Variants in ARHGAP24 observed in about 807,000 individuals in gnomAD.
ARHGAP24 encodes the protein rho GTPase-activating protein 24.
A neutral mutation model predicts 76.4 loss-of-function variants in ARHGAP24; 50 were observed. That is an observed-to-expected ratio of 0.65 (90% confidence interval 0.52 to 0.83). ARHGAP24 has a LOEUF of 0.83. Among genes scored for constraint, ARHGAP24 ranks in the 40% least tolerant of loss-of-function variants. ARHGAP24 has a pLI of 0.00. For missense variants in ARHGAP24, 930 were observed against 914.2 expected (o/e 1.02, Z -0.22); for synonymous variants, 345 against 323.3 (o/e 1.07, Z -0.72).
At position 85,975,073 on chromosome 4, in the gene ARHGAP24, G is replaced by A. The variant is rs915086536; in HGVS notation, c.806+112G>A. 2.7e-5 allele frequency: 25 copies of A among 935,286 alleles called. 1 individual carries two copies. In the African/African-American group the frequency reaches 3.2e-4, roughly 12 times the overall value. The allele number at this position is 935,286 out of a possible 1,614,324, so 57.9% of individuals were successfully genotyped here. A position where few individuals can be genotyped will look rare whatever the true frequency, so the allele number is the denominator to read the frequency against. On this transcript the variant is annotated intron_variant, in intron 7 of 9. Coordinates refer to ENST00000395184, the MANE Select transcript of ARHGAP24 (RefSeq NM_001025616.3). Reference sequence around the variant, plus strand: ...TCAACTACTTCGAGCCCTAGTGTTGGCCTCTGTAAAATTAAAAGATTGGAC... The same window carrying A: ...TCAACTACTTCGAGCCCTAGTGTTGACCTCTGTAAAATTAAAAGATTGGAC...
At chr4:85,760,539 T>C (rs1380265508) in intron 3 of ARHGAP24, among the ~76,000 whole-genome samples, 2 of 152,220 alleles carry the variant, frequency 1.3e-5, no homozygotes, top group Admixed American at 6.5e-5. Context: ...TGACATTTTA[T>C]TTCTGCTATT....
chr4:85,693,781 G>A (rs1040607048), intron 2 of ARHGAP24, among the ~76,000 whole-genome samples: 6 of 152,210 alleles, frequency 3.9e-5, no homozygotes, highest in Non-Finnish European at 8.8e-5. Context: ...ATCTAGCTGG[G>A]GCTAGAGATT....
At chr4:85,566,450 G>A (rs115871293) in intron 1 of ARHGAP24, among the ~76,000 whole-genome samples, 1 of 152,240 alleles carries the variant, frequency 6.6e-6, no homozygotes, top group African/African-American at 2.4e-5. Flanking sequence ...TTGACATTGT[G>A]TTTAAGAACA....
chr4:85,756,406 A>C (rs1726495780), intron 3 of ARHGAP24, among the ~76,000 whole-genome samples: 1 of 152,194 alleles, frequency 6.6e-6, no homozygotes, highest in South Asian at 2.1e-4. Context: ...CCTGATCTCA[A>C]AACTTTTTGA....
At position 85,886,214 on chromosome 4, in the gene ARHGAP24, A is replaced by G. The variant is rs116604600; in HGVS notation, c.269-37434A>G. Among the ~76,000 whole-genome samples, 1,453 of 152,298 alleles carry G rather than the reference A, an allele frequency of 9.5e-3. 18 individuals are homozygous for G. Among genetic ancestry groups the G allele is most frequent in the African/African-American group, 0.033 (1,363 of 41,562 alleles). ...TGATTGTCAATGACCATTATCTGACAACATAATTTATTTACTGTAATATGA... is the reference window on the plus strand; with the variant it reads ...TGATTGTCAATGACCATTATCTGACGACATAATTTATTTACTGTAATATGA... On this transcript the variant is annotated intron_variant, in intron 3 of 9. Transcript: ENST00000395184.
At chr4:85,600,010 TA>T (rs1383015836) in intron 2 of ARHGAP24, among the ~76,000 whole-genome samples, 10 of 152,230 alleles carry the variant, frequency 6.6e-5, no homozygotes, top group Admixed American at 6.5e-4. Context: ...TAACTAAAAA[TA>T]AATAGTATAG....
intron 2 of ARHGAP24, among the ~76,000 whole-genome samples, chr4:85,663,945 A>G (rs891332708): frequency 3.9e-5 from 6 of 151,918 alleles, no homozygotes; most frequent in Admixed American, 3.3e-4. Context: ...GGATTTTTGT[A>G]TCAATGTTCA....
Position 85,599,709 on chromosome 4 carries a change from A to G in ARHGAP24, c.180+28988A>G, listed in dbSNP as rs539202999. Among the ~76,000 whole-genome samples, 5 of 152,284 alleles carry G rather than the reference A, an allele frequency of 3.3e-5. 1 individual carries two copies. The highest frequency in any genetic ancestry group is 1.9e-4 in the East Asian group (1 of 5,196). ...ATTATATGTAACACATATTCTAAAT[A>G]TAAAATTTAAGTATAAGTGAAAGTG... On this transcript the variant is annotated intron_variant, in intron 2 of 9. Transcript: ENST00000395184.
At chr4:85,584,975 A>G (rs981107645) in intron 2 of ARHGAP24, among the ~76,000 whole-genome samples, 2 of 152,178 alleles carry the variant, frequency 1.3e-5, no homozygotes, top group African/African-American at 4.8e-5. Context: ...TTGTTTACTA[A>G]GAATACTCAA....
intron 2 of ARHGAP24, among the ~76,000 whole-genome samples, chr4:85,639,555 C>G (rs1028630966): frequency 6.6e-6 from 1 of 152,058 alleles, no homozygotes; most frequent in African/African-American, 2.4e-5. Context: ...AAAATAATTG[C>G]TGAATGTCCT....
chr4:85,511,282 G>T (rs1347200938), intron 1 of ARHGAP24, among the ~76,000 whole-genome samples: 1 of 152,032 alleles, frequency 6.6e-6, no homozygotes, highest in Non-Finnish European at 1.5e-5. Flanking sequence ...TCTCTTCTAT[G>T]TGTAATTAAA....
intron 3 of ARHGAP24, among the ~76,000 whole-genome samples, chr4:85,856,511 C>A (rs1731580091): frequency 8.1e-6 from 1 of 123,316 alleles, no homozygotes; most frequent in Non-Finnish European, 1.7e-5. Context: ...CTTTCTATTG[C>A]CCAGACTGGA....
chr4:85,778,156 T>G (rs1453431203), intron 3 of ARHGAP24, among the ~76,000 whole-genome samples: 1 of 152,158 alleles, frequency 6.6e-6, no homozygotes, highest in African/African-American at 2.4e-5. Context: ...AATGTTAGCA[T>G]CCCTTGAAAC....
intron 3 of ARHGAP24, among the ~76,000 whole-genome samples, chr4:85,787,990 C>T (rs556236507): frequency 6.6e-6 from 1 of 152,252 alleles, no homozygotes; most frequent in East Asian, 1.9e-4. Context: ...TCCAAAACAG[C>T]CTCCCAGGTT....
chr4:85,848,860 T>G (rs1560669643), intron 3 of ARHGAP24, among the ~76,000 whole-genome samples: 1 of 152,210 alleles, frequency 6.6e-6, no homozygotes, highest in Non-Finnish European at 1.5e-5. Flanking sequence ...CCTTGTAGTA[T>G]AGTTTGAAGT....
At chr4:85,889,929 T>G (rs1733792333) in intron 3 of ARHGAP24, among the ~76,000 whole-genome samples, 1 of 152,180 alleles carries the variant, frequency 6.6e-6, no homozygotes, top group Admixed American at 6.6e-5. Flanking sequence ...CTCTTTCTTT[T>G]TTTAATTGCC....
chr4:85,518,407 A>G (rs1306432712), intron 1 of ARHGAP24, among the ~76,000 whole-genome samples: 1 of 152,018 alleles, frequency 6.6e-6, no homozygotes, highest in Non-Finnish European at 1.5e-5. Context: ...TACAGGTAGC[A>G]TTTGGTTACA....
At chr4:85,586,126 TC>T (rs1291506208) in intron 2 of ARHGAP24, among the ~76,000 whole-genome samples, 2 of 152,300 alleles carry the variant, frequency 1.3e-5, no homozygotes, top group East Asian at 1.9e-4. Context: ...TTTCTTTTTT[TC>T]CCCCCTCTCT....
At chr4:85,974,377 G>A (rs1307943806) in intron 6 of ARHGAP24, among the ~76,000 whole-genome samples, 1 of 152,106 alleles carries the variant, frequency 6.6e-6, no homozygotes, top group Non-Finnish European at 1.5e-5. Flanking sequence ...TTTAGGGGAA[G>A]TCATATAATG....
Sources: allele counts gnomAD v4.1 joint callset (sites outside exome capture counted in the v4.1 genomes callset), GRCh38; gene constraint gnomAD v4.1.1; transcripts MANE v1.5; gene names NCBI Gene and HGNC (gene_info 2026-07-23, HGNC 2026-07-21).